PAG1: variants seen among roughly 807,000 people sequenced by gnomAD.
The protein encoded by PAG1 is phosphoprotein associated with glycosphingolipid-enriched microdomains 1.
A neutral mutation model predicts 31.7 loss-of-function variants in PAG1; 23 were observed. The ratio of observed to expected loss-of-function variants is 0.73; its 90% CI spans 0.52 to 1.03. PAG1 has a LOEUF of 1.03. PAG1 is among the 50% of genes least tolerant of loss of function. The pLI is 0.00. For missense variants in PAG1, 473 were observed against 540.7 expected (o/e 0.87, Z 1.24); for synonymous variants, 214 against 210.3 (o/e 1.02, Z -0.15).
rs991876135 is a variant in PAG1, at chr8:80,974,161, T to G, written c.*2383A>C. 1 of 150,986 alleles carries G rather than the reference T, an allele frequency of 6.6e-6. No homozygotes were observed. The highest frequency in any genetic ancestry group is 1.5e-5 in the Non-Finnish European group (1 of 67,686). The allele number at this position is 150,986 out of a possible 1,614,324, so 9.4% of individuals were successfully genotyped here. ...GAGCTTTCTATAAAAAGTTTTTTTTTTTTTTTTTTTTTTACTTTAGAGATC... is the reference window on the plus strand; with the variant it reads ...GAGCTTTCTATAAAAAGTTTTTTTTGTTTTTTTTTTTTTACTTTAGAGATC... On this transcript the variant is annotated 3_prime_UTR_variant, in exon 9 of 9. Coordinates refer to ENST00000220597, the MANE Select transcript of PAG1 (RefSeq NM_018440.4).
intron 1 of PAG1, among the ~76,000 whole-genome samples, chr8:81,073,551 CAT>C (rs998202836): frequency 6.6e-5 from 10 of 152,166 alleles, no homozygotes; most frequent in Admixed American, 2.6e-4. Context: ...TTTTTAAATA[CAT>C]GTGTGGATAT....
At chr8:81,021,231 T>C (rs117822887) in intron 3 of PAG1, among the ~76,000 whole-genome samples, 1,968 of 152,334 alleles carry the variant, frequency 0.013, 23 homozygotes, top group Non-Finnish European at 0.021. Context: ...TCACTTTGTA[T>C]ACTTCAATTC....
chr8:81,013,827 G>A (rs1040397029), intron 3 of PAG1, among the ~76,000 whole-genome samples: 21 of 152,056 alleles, frequency 1.4e-4, no homozygotes, highest in African/African-American at 4.1e-4. Context: ...TGATTCGCCC[G>A]CCTCAGCCTC....
intron 3 of PAG1, among the ~76,000 whole-genome samples, chr8:81,018,574 C>T (rs1808110648): frequency 6.6e-6 from 1 of 152,194 alleles, no homozygotes; most frequent in African/African-American, 2.4e-5. Context: ...CCATGCTGTT[C>T]TCATGATGGT....
At chr8:81,089,598 T>C (rs937085199) in intron 1 of PAG1, among the ~76,000 whole-genome samples, 2 of 150,892 alleles carry the variant, frequency 1.3e-5, no homozygotes, top group African/African-American at 4.9e-5. Flanking sequence ...GAACCCTGAG[T>C]TTAGGGAACA....
At chr8:81,103,630 A>G (rs1371599208) in intron 1 of PAG1, among the ~76,000 whole-genome samples, 1 of 152,254 alleles carries the variant, frequency 6.6e-6, no homozygotes, top group Admixed American at 6.5e-5. Flanking sequence ...TTTATAAGAC[A>G]AGTGAAAATT....
rs1348052134 is a variant in PAG1 at position 80,975,854 on chromosome 8, T to C, written c.*690A>G. The C allele has an allele frequency of 6.6e-6, 1 of 152,150 alleles. No individual in the cohort carries two copies. The highest frequency in any genetic ancestry group is 2.4e-5 in the African/African-American group (1 of 41,432). 9.4% of individuals were successfully genotyped at this position (152,150 alleles called of 1,614,324 possible). On this transcript the variant is annotated 3_prime_UTR_variant, in exon 9 of 9. Coordinates refer to ENST00000220597, the MANE Select transcript of PAG1 (RefSeq NM_018440.4). ...AAGTACTTTGGGGAGAGGCTGCTGA[T>C]ATCGAATGCCAAAATAAGAAGGAAC...
At chr8:81,072,995 G>T (rs925044122) in intron 1 of PAG1, among the ~76,000 whole-genome samples, 1 of 152,188 alleles carries the variant, frequency 6.6e-6, no homozygotes, top group African/African-American at 2.4e-5. Flanking sequence ...AATAAAATAA[G>T]AAGTATTGCT....
chr8:81,072,016 A>G (rs1809101375), intron 1 of PAG1, among the ~76,000 whole-genome samples: 1 of 152,198 alleles, frequency 6.6e-6, no homozygotes, highest in African/African-American at 2.4e-5. Flanking sequence ...AGTATAGAAG[A>G]GAGAACAGAC....
chr8:81,011,315 G>C lies in PAG1; in HGVS notation c.-80-18008C>G, dbSNP rs141340650. Among the ~76,000 whole-genome samples, 10 of 152,284 alleles carry C rather than the reference G, an allele frequency of 6.6e-5. No individual in the cohort carries two copies. In the East Asian group the frequency reaches 1.2e-3, roughly 18 times the overall value. On this transcript the variant is annotated intron_variant, in intron 3 of 8. Coordinates refer to ENST00000220597, the MANE Select transcript of PAG1 (RefSeq NM_018440.4). ...GGGAGATAACTGAATCATGGGAGTG[G>C]TTTCCCCCATACTGTTCTCATGGTA...
intron 1 of PAG1, among the ~76,000 whole-genome samples, chr8:81,086,477 G>C (rs1244532181): frequency 6.6e-6 from 1 of 152,028 alleles, no homozygotes; most frequent in East Asian, 1.9e-4. Context: ...CACTGTTAGG[G>C]AAGAAGGCAA....
chr8:81,037,743 T>C (rs774873518), intron 2 of PAG1, among the ~76,000 whole-genome samples: 2 of 152,258 alleles, frequency 1.3e-5, no homozygotes, highest in Non-Finnish European at 2.9e-5. Context: ...AAGCATGAGA[T>C]AATAGCCAGC....
rs544061217 is a variant in PAG1 at position 81,038,714 on chromosome 8, G to C, written c.-174-8625C>G. 2.7e-4 allele frequency among the ~76,000 whole-genome samples: 41 copies of C among 152,238 alleles called. No individual in the cohort carries two copies. The South Asian group carries it at 8.1e-3, about 30-fold the overall frequency. On this transcript the variant is annotated intron_variant, in intron 2 of 8. Coordinates refer to ENST00000220597, the MANE Select transcript of PAG1 (RefSeq NM_018440.4). The stretch of plus-strand genomic sequence containing the variant: ...CACACATTTGACCACTTCAATCTTA[G>C]ACTTTCAATGCTGCTTGCAGATACC...
chr8:80,976,311 G>T lies in PAG1; in HGVS notation c.*233C>A. 1 of 494,968 alleles carries T rather than the reference G, an allele frequency of 2.0e-6. No individual in the cohort carries two copies. Among genetic ancestry groups the T allele is most frequent in the Non-Finnish European group, 3.6e-6 (1 of 278,036 alleles). The allele number at this position is 494,968 out of a possible 1,614,324, so 30.7% of individuals were successfully genotyped here. A position where few individuals can be genotyped will look rare whatever the true frequency, so the allele number is the denominator to read the frequency against. On this transcript the variant is annotated 3_prime_UTR_variant, in exon 9 of 9. Coordinates refer to ENST00000220597, the MANE Select transcript of PAG1 (RefSeq NM_018440.4). ...TGGTGAGGGTGCAGCAGGGAGATGTGCTTGGGTGTACCTGTCCATCTGGCA... is the reference window on the plus strand; with the variant it reads ...TGGTGAGGGTGCAGCAGGGAGATGTTCTTGGGTGTACCTGTCCATCTGGCA...
At chr8:81,065,494 C>G (rs1237629820) in intron 2 of PAG1, among the ~76,000 whole-genome samples, 1 of 152,058 alleles carries the variant, frequency 6.6e-6, no homozygotes, top group Admixed American at 6.6e-5. Context: ...CAAAGAAGTT[C>G]AGAAACTCGC....
chr8:81,019,331 A>G (rs1808123227), intron 3 of PAG1, among the ~76,000 whole-genome samples: 1 of 152,242 alleles, frequency 6.6e-6, no homozygotes, highest in Admixed American at 6.5e-5. Context: ...GTTAATCACC[A>G]AGACAATGGT....
chr8:81,002,409 G>A (rs1455732076), intron 3 of PAG1, among the ~76,000 whole-genome samples: 1 of 152,178 alleles, frequency 6.6e-6, no homozygotes, highest in African/African-American at 2.4e-5. Flanking sequence ...TCGGCAGACA[G>A]CTACTACCTC....
intron 2 of PAG1, among the ~76,000 whole-genome samples, chr8:81,064,187 AC>A (rs1808966057): frequency 6.6e-6 from 1 of 152,196 alleles, no homozygotes; most frequent in African/African-American, 2.4e-5. Flanking sequence ...TTCATGGAAG[AC>A]AATTTTTCCA....
At chr8:81,023,934 GCTT>G (rs1433596737) in intron 3 of PAG1, among the ~76,000 whole-genome samples, 1 of 152,148 alleles carries the variant, frequency 6.6e-6, no homozygotes, top group Non-Finnish European at 1.5e-5. Flanking sequence ...AACATCAGTT[GCTT>G]CTTCTGCTTA....
Sources: allele counts gnomAD v4.1 joint callset (sites outside exome capture counted in the v4.1 genomes callset), GRCh38; gene constraint gnomAD v4.1.1; transcripts MANE v1.5; gene names NCBI Gene and HGNC (gene_info 2026-07-23, HGNC 2026-07-21).